TPD52L1: variants seen among roughly 807,000 people sequenced by gnomAD.
TPD52L1 encodes the protein TPD52 like 1.
TPD52L1 carries 18 observed loss-of-function variants against 28.7 expected under a neutral mutation model. The observed-to-expected ratio is 0.63, with a 90% CI of 0.43 to 0.93. TPD52L1 has a LOEUF of 0.93. Among genes scored for constraint, TPD52L1 ranks in the 40% least tolerant of loss-of-function variants. The pLI, the probability that TPD52L1 is intolerant of heterozygous loss-of-function variation, is 0.00. For missense variants in TPD52L1, 203 were observed against 254.8 expected (o/e 0.80, Z 1.39); for synonymous variants, 75 against 88.8 (o/e 0.84, Z 0.88).
intron 1 of TPD52L1, among the ~76,000 whole-genome samples, chr6:125,196,471 G>A (rs761469828): frequency 2.0e-5 from 3 of 152,306 alleles, no homozygotes; most frequent in Non-Finnish European, 4.4e-5. Context: ...AATTATTGTC[G>A]TGGCTCCTGT....
rs1326300541 is a variant in TPD52L1 at position 125,190,557 on chromosome 6, A to T, written c.20-29521A>T. Among the ~76,000 whole-genome samples the T allele has an allele frequency of 4.6e-5, 7 of 152,214 alleles. No individual in the cohort carries two copies. The East Asian group carries it at 1.4e-3, about 29-fold the overall frequency. ...AAACATTACATTTACTGAGCACTTT[A>T]TTTCTATTATTATTATATTGTAATA... On this transcript the variant is annotated intron_variant, in intron 1 of 6. Coordinates refer to ENST00000534000, the MANE Select transcript of TPD52L1 (RefSeq NM_003287.4).
At chr6:125,235,365 G>A (rs908314087) in intron 3 of TPD52L1, among the ~76,000 whole-genome samples, 2 of 151,766 alleles carry the variant, frequency 1.3e-5, no homozygotes, top group African/African-American at 4.8e-5. Context: ...GAATTGTCTT[G>A]GGCCACACAT....
chr6:125,211,256 GATCTGTCT>G (rs1562291954), intron 1 of TPD52L1, among the ~76,000 whole-genome samples: 1 of 124,010 alleles, frequency 8.1e-6, no homozygotes, highest in African/African-American at 3.1e-5. Context: ...TAGATATATG[GATCTGTCT>G]ATCTATCTAT....
At chr6:125,221,703 A>G (rs1042753661) in intron 2 of TPD52L1, 1 of 152,210 alleles carries the variant, frequency 6.6e-6, no homozygotes, top group African/African-American at 2.4e-5. Flanking sequence ...TGCCCCATGA[A>G]TATGAAAAAA....
At chr6:125,224,015 G>T (rs1795430547) in intron 2 of TPD52L1, among the ~76,000 whole-genome samples, 1 of 150,888 alleles carries the variant, frequency 6.6e-6, no homozygotes, top group South Asian at 2.1e-4. Context: ...TATTCTCATT[G>T]GTCTTATTAC....
intron 1 of TPD52L1, among the ~76,000 whole-genome samples, chr6:125,157,504 G>A (rs767936010): frequency 9.9e-5 from 15 of 152,168 alleles, no homozygotes. Context: ...CGTGGAGAGA[G>A]ATGTCCACAG....
At chr6:125,190,941 C>G (rs1792994901) in intron 1 of TPD52L1, among the ~76,000 whole-genome samples, 1 of 152,056 alleles carries the variant, frequency 6.6e-6, no homozygotes, top group African/African-American at 2.4e-5. Context: ...GTTGGGGACC[C>G]CTGCTTTAGA....
intron 2 of TPD52L1, among the ~76,000 whole-genome samples, chr6:125,226,294 T>A (rs1163164992): frequency 6.6e-6 from 1 of 152,220 alleles, no homozygotes; most frequent in African/African-American, 2.4e-5. Flanking sequence ...CTTCCCCATA[T>A]GTGTCTTTGA....
rs546727798 is a variant in TPD52L1 at position 125,247,492 on chromosome 6, T to C, written c.285-790T>C. On this transcript the variant is annotated intron_variant, in intron 3 of 6. Transcript: ENST00000534000. Reference sequence around the variant, plus strand: ...CATCTCCTGTTGAATCTGTCCATTCTATCCCTGTAATCCATCATACCTCTT... The same window carrying C: ...CATCTCCTGTTGAATCTGTCCATTCCATCCCTGTAATCCATCATACCTCTT... Among the ~76,000 whole-genome samples, 22 of 152,308 alleles carry C rather than the reference T, an allele frequency of 1.4e-4. No homozygotes were observed. The East Asian group carries it at 4.3e-3, about 29-fold the overall frequency.
intron 1 of TPD52L1, among the ~76,000 whole-genome samples, chr6:125,181,054 C>T (rs1309446203): frequency 6.6e-6 from 1 of 152,118 alleles, no homozygotes; most frequent in Admixed American, 6.5e-5. Context: ...GGGTTCGAGC[C>T]TACAGTTTGT....
At chr6:125,238,866 TC>T (rs1248415065) in intron 3 of TPD52L1, among the ~76,000 whole-genome samples, 2 of 152,242 alleles carry the variant, frequency 1.3e-5, no homozygotes, top group Non-Finnish European at 2.9e-5. Flanking sequence ...ATTTTCTTTA[TC>T]CAGTCATCAG....
intron 1 of TPD52L1, among the ~76,000 whole-genome samples, chr6:125,161,786 T>C (rs1790537028): frequency 6.6e-6 from 1 of 152,130 alleles, no homozygotes; most frequent in African/African-American, 2.4e-5. Context: ...CAGATCACCA[T>C]AACCGATTTA....
At chr6:125,172,535 T>TATATATATATATATAATATATATATATA (rs1562214418) in intron 1 of TPD52L1, among the ~76,000 whole-genome samples, 38 of 98,116 alleles carry the variant, frequency 3.9e-4, no homozygotes, top group African/African-American at 1.7e-3. Flanking sequence ...TATATATATA[T>TATATATATATATATAATATATATATATA]ATATATATAT....
rs554979995 is a variant in TPD52L1 at position 125,198,306 on chromosome 6, T to G, written c.20-21772T>G. Among the ~76,000 whole-genome samples the G allele has an allele frequency of 2.0e-5, 3 of 152,340 alleles. No homozygotes were observed. The South Asian group carries it at 6.2e-4, about 32-fold the overall frequency. ...TTGTCTTCACAGGCATCTTGTATAG[T>G]GTTGGAAACCTATAGTGATAAGTGA... On this transcript the variant is annotated intron_variant, in intron 1 of 6. Coordinates refer to ENST00000534000, the MANE Select transcript of TPD52L1 (RefSeq NM_003287.4).
chr6:125,187,063 C>T (rs62432192), intron 1 of TPD52L1, among the ~76,000 whole-genome samples: 8 of 151,878 alleles, frequency 5.3e-5, no homozygotes, highest in Admixed American at 5.2e-4. Context: ...ATTGCATATA[C>T]CAGTTAATAG....
intron 1 of TPD52L1, among the ~76,000 whole-genome samples, chr6:125,172,543 TATATATATA>T (rs1290869613): frequency 1.7e-4 from 16 of 95,746 alleles, no homozygotes; most frequent in African/African-American, 5.9e-4. Context: ...TATATATATA[TATATATATA>T]ATATATATAC....
In TPD52L1 at chr6:125,184,098, A is replaced by C. The variant is rs80057525; in HGVS notation, c.19+30128A>C. 5.3e-3 allele frequency among the ~76,000 whole-genome samples: 809 copies of C among 152,272 alleles called. 6 individuals carry two copies. The highest frequency in any genetic ancestry group is 0.018 in the African/African-American group (765 of 41,566). Reference sequence around the variant, plus strand: ...GGTAAGTGGGCCTCAGAACCATTGCACAGCTGAAGTAGTAGACTCTAAACT... The same window carrying C: ...GGTAAGTGGGCCTCAGAACCATTGCCCAGCTGAAGTAGTAGACTCTAAACT... On this transcript the variant is annotated intron_variant, in intron 1 of 6. Transcript: ENST00000534000.
chr6:125,250,646 G>T (rs1797208700), intron 4 of TPD52L1, among the ~76,000 whole-genome samples: 2 of 152,186 alleles, frequency 1.3e-5, no homozygotes, highest in Non-Finnish European at 2.9e-5. Context: ...TCCCAATAGT[G>T]AAGAATGAAG....
chr6:125,241,335 T>C (rs1366825561), intron 3 of TPD52L1, among the ~76,000 whole-genome samples: 6 of 152,098 alleles, frequency 3.9e-5, no homozygotes, highest in African/African-American at 9.7e-5. Context: ...ACCAGCTTCA[T>C]AGAATGATCT....
Sources: gnomAD v4.1 joint callset for allele counts (sites outside exome capture counted in the v4.1 genomes callset) on GRCh38, gnomAD v4.1.1 for gene constraint, MANE v1.5 for transcripts, NCBI Gene and HGNC (gene_info 2026-07-23, HGNC 2026-07-21) for gene names.